Variants in RP1 observed in about 807,000 individuals in gnomAD.
RP1 encodes the protein oxygen-regulated protein 1.
In RP1, 16 loss-of-function variants were observed where a neutral mutation model predicts 14.8. That is an observed-to-expected ratio of 1.08 (90% CI 0.73 to 1.65). RP1 has a LOEUF of 1.65. Ranked by LOEUF, RP1 falls within the 40% of genes most tolerant of loss-of-function variation. RP1 has a pLI of 0.00. For synonymous variants in RP1, 876 were observed against 883.6 expected (o/e 0.99, Z 0.15); for missense variants, 2,631 against 2,535.0 (o/e 1.04, Z -0.81).
chr8:54,722,222 A>G (rs866079172), intron 16 of RP1, among the ~76,000 whole-genome samples: 81 of 150,204 alleles, frequency 5.4e-4, no homozygotes, highest in African/African-American at 1.6e-3. Flanking sequence ...AAAAAAAAAA[A>G]GTTTATAGTA....
At chr8:54,577,533 G>A (rs2129295236) in intron 1 of RP1, among the ~76,000 whole-genome samples, 1 of 151,690 alleles carries the variant, frequency 6.6e-6, no homozygotes, top group African/African-American at 2.4e-5. Flanking sequence ...TTTGAGAATA[G>A]TGTATTATTA....
chr8:54,820,049 C>A (rs1811220839), intron 24 of RP1, among the ~76,000 whole-genome samples: 1 of 152,138 alleles, frequency 6.6e-6, no homozygotes, highest in South Asian at 2.1e-4. Context: ...TTCAGGGCAA[C>A]TTCCCTTCTG....
At chr8:54,823,210 C>A (rs1300230326) in intron 24 of RP1, among the ~76,000 whole-genome samples, 1 of 152,218 alleles carries the variant, frequency 6.6e-6, no homozygotes, top group Non-Finnish European at 1.5e-5. Context: ...TCCCCCACCT[C>A]CACCCTGCCT....
In RP1 at chr8:54,621,216, A is replaced by C. The variant is rs1805852602; in HGVS notation, c.250A>C (p.Ser84Arg). Residue 84 changes from serine to arginine, a missense_variant, in exon 2 of 4, where the codon AGC becomes CGC. Physicochemically the swap from Ser to Arg is moderately radical, Grantham distance 110. Transcript: ENST00000220676. ...CCTCCCTTTTGGAGTGAGGAACATC[A>C]GCACCCCTCGGGGCAGGCACAGCAT... is the stretch of plus-strand genomic sequence containing the variant. Reference protein sequence around the residue: ...VPLPFGVRNISTPRGRHSITR... With the variant: ...VPLPFGVRNIRTPRGRHSITR... The C allele has an allele frequency of 6.2e-7, 1 of 1,614,090 alleles. No individual in the cohort carries two copies. The highest frequency in any genetic ancestry group is 8.5e-7 in the Non-Finnish European group (1 of 1,180,012).
At chr8:54,686,848 T>G (rs1807575291) in intron 12 of RP1, among the ~76,000 whole-genome samples, 1 of 152,116 alleles carries the variant, frequency 6.6e-6, no homozygotes, top group African/African-American at 2.4e-5. Context: ...ATAGTAGACT[T>G]TCAAGAGAAA....
chr8:54,691,971 C>G (rs1027240909), intron 12 of RP1, among the ~76,000 whole-genome samples: 3 of 151,972 alleles, frequency 2.0e-5, no homozygotes, highest in Non-Finnish European at 4.4e-5. Context: ...CCCCCCTCCC[C>G]CAACCCTACA....
In RP1 at chr8:54,580,300, CTTTTTTTTTTTTT is replaced by C. The variant is rs906806636; in HGVS notation, c.-13+20993_-13+21005del. On this transcript the variant is annotated intron_variant, in intron 1 of 22. Transcript: ENST00000636932. ...GGGAAGCTAAATGTATCGTAGACTT[CTTTTTTTTTTTTT>C]TTTTTTTTTTTTGAGACAGAGTCTC... Among the ~76,000 whole-genome samples, 650 of 80,274 alleles carry C rather than the reference CTTTTTTTTTTTTT, an allele frequency of 8.1e-3. 6 individuals carry two copies. The highest frequency in any genetic ancestry group is 0.029 in the African/African-American group (611 of 20,898). The allele number at this position is 80,274 out of a possible 152,430, so 52.7% of individuals were successfully genotyped here. A position where few individuals can be genotyped will look rare whatever the true frequency, so the allele number is the denominator to read the frequency against.
intron 8 of RP1, chr8:54,678,458 T>C (rs1453186549): frequency 5.9e-6 from 9 of 1,532,986 alleles, no homozygotes; most frequent in Admixed American, 2.0e-5. Context: ...AATTTGTGTT[T>C]AGGAAATGGT....
chr8:54,742,533 T>C (rs1031135954), intron 19 of RP1, among the ~76,000 whole-genome samples: 1 of 152,258 alleles, frequency 6.6e-6, no homozygotes, highest in African/African-American at 2.4e-5. Context: ...AAGAAATATC[T>C]ACTTAGCACC....
chr8:54,776,268 C>T (rs1373162555), intron 23 of RP1, among the ~76,000 whole-genome samples: 2 of 152,152 alleles, frequency 1.3e-5, no homozygotes, highest in East Asian at 3.9e-4. Context: ...GTGGCATGAT[C>T]ATAGCTCACT....
At chr8:54,737,945 G>C (rs78517288) in intron 18 of RP1, among the ~76,000 whole-genome samples, 1 of 151,814 alleles carries the variant, frequency 6.6e-6, no homozygotes, top group Non-Finnish European at 1.5e-5. Flanking sequence ...AATAACAATG[G>C]CTATTATTGA....
chr8:54,717,314 C>T (rs1808426742), intron 15 of RP1, among the ~76,000 whole-genome samples: 1 of 152,172 alleles, frequency 6.6e-6, no homozygotes, highest in Non-Finnish European at 1.5e-5. Context: ...CTGGATTCTT[C>T]TTACGCCAAC....
In RP1 at chr8:54,624,699, TC is replaced by T; in HGVS notation, c.820del (p.Gln274ArgfsTer17). 1.2e-6 allele frequency: 2 copies of T among 1,613,958 alleles called. No individual in the cohort carries two copies. The highest frequency in any genetic ancestry group is 1.7e-6 in the Non-Finnish European group (2 of 1,179,950). On this transcript the variant is annotated frameshift_variant, in exon 4 of 4. Coordinates refer to ENST00000220676, the MANE Select transcript of RP1 (RefSeq NM_006269.2). LOFTEE classifies it low-confidence loss of function (END_TRUNC). The stretch of plus-strand genomic sequence containing the variant: ...CACACATATGTCTTCAAGCTCAAGG[TC>T]CCAGATTTATTCTGTTTCTTCTGAG... ...ISTHMSSSSR[S>X]QIYSVSSEKT...
chr8:54,656,959 T>G (rs1439880768), intron 6 of RP1, among the ~76,000 whole-genome samples: 1 of 152,124 alleles, frequency 6.6e-6, no homozygotes, highest in Non-Finnish European at 1.5e-5. Context: ...TAGGCTTAGG[T>G]CCATACCAAC....
chr8:54,769,316 T>G (rs1391463), intron 22 of RP1, among the ~76,000 whole-genome samples: 45,762 of 152,026 alleles, frequency 0.3, 7,273 homozygotes, highest in East Asian at 0.5. Flanking sequence ...GTGCCAAGTT[T>G]CCCTGCAATC....
At chr8:54,585,150 A>G (rs1585527843) in intron 1 of RP1, among the ~76,000 whole-genome samples, 1 of 151,770 alleles carries the variant, frequency 6.6e-6, no homozygotes, top group Non-Finnish European at 1.5e-5. Context: ...GGTTGTTTCC[A>G]TGTTCAGTGC....
At chr8:54,564,562 A>G (rs2129290727) in intron 1 of RP1, among the ~76,000 whole-genome samples, 1 of 152,318 alleles carries the variant, frequency 6.6e-6, no homozygotes, top group African/African-American at 2.4e-5. Context: ...CGTTTCACAG[A>G]TGACAAAAAC....
Position 54,627,849 on chromosome 8 carries a change from T to A in RP1, c.3967T>A (p.Tyr1323Asn). The A allele has an allele frequency of 6.2e-7, 1 of 1,614,160 alleles. No homozygotes were observed. The highest frequency in any genetic ancestry group is 8.5e-7 in the Non-Finnish European group (1 of 1,179,974). The change falls in exon 4 of 4, where the codon TAT becomes AAT. Residue 1323 changes from tyrosine to asparagine, a missense_variant. Tyr to Asn is a moderately radical substitution (Grantham distance 143). Transcript: ENST00000220676. Reference sequence around the variant, plus strand: ...TTGTGCTCAAAAGGAGAACCATACCTATGAGGGAGCTTGCCCAATTGATGA... The same window carrying A: ...TTGTGCTCAAAAGGAGAACCATACCAATGAGGGAGCTTGCCCAATTGATGA... Reference protein sequence around the residue: ...KACAQKENHTYEGACPIDETY... With the variant: ...KACAQKENHTNEGACPIDETY...
At chr8:54,744,293 A>C (rs557794542) in intron 19 of RP1, among the ~76,000 whole-genome samples, 1 of 152,278 alleles carries the variant, frequency 6.6e-6, no homozygotes, top group African/African-American at 2.4e-5. Flanking sequence ...CAGAAGCCAC[A>C]GCGCAGGCCT....
Sources: allele counts gnomAD v4.1 joint callset (sites outside exome capture counted in the v4.1 genomes callset), GRCh38; gene constraint gnomAD v4.1.1; transcripts MANE v1.5; gene names NCBI Gene and HGNC (gene_info 2026-07-23, HGNC 2026-07-21).